PSMA1: variants seen among roughly 807,000 people sequenced by gnomAD.
The protein encoded by PSMA1 is proteasome 20S subunit alpha 1.
Under a neutral mutation model 38.4 loss-of-function variants are expected in PSMA1, and 3 were observed. That is an observed-to-expected ratio of 0.08 (90% CI 0.04 to 0.20). The LOEUF is 0.20. PSMA1 is among the 10% of genes least tolerant of loss of function. The pLI is 1.00. For missense variants in PSMA1, 227 were observed against 325.3 expected (o/e 0.70, Z 2.32); for synonymous variants, 101 against 107.1 (o/e 0.94, Z 0.35).
At chr11:14,530,333 C>T (rs1412569698) in intron 2 of PSMA1, among the ~76,000 whole-genome samples, 1 of 152,192 alleles carries the variant, frequency 6.6e-6, no homozygotes, top group Non-Finnish European at 1.5e-5. Context: ...CCTTTCCACT[C>T]CTGCCACCTT....
intron 9 of PSMA1, among the ~76,000 whole-genome samples, chr11:14,505,561 T>C (rs1394933219): frequency 1.3e-5 from 2 of 151,042 alleles, no homozygotes; most frequent in Non-Finnish European, 2.9e-5. Flanking sequence ...TTTGTTTGCT[T>C]TTACTCTAAC....
At chr11:14,515,640 G>A (rs1324102517) in intron 4 of PSMA1, among the ~76,000 whole-genome samples, 3 of 150,710 alleles carry the variant, frequency 2.0e-5, no homozygotes, top group Non-Finnish European at 4.4e-5. Flanking sequence ...TGCAACCTCT[G>A]CCTCCTGGGT....
chr11:14,596,973 G>A (rs987730165), intron 2 of PSMA1, among the ~76,000 whole-genome samples: 79 of 152,144 alleles, frequency 5.2e-4, no homozygotes, highest in Non-Finnish European at 7.6e-4. Flanking sequence ...GAATTTTGTC[G>A]AAGGCCTTTT....
intron 2 of PSMA1, among the ~76,000 whole-genome samples, chr11:14,602,778 A>G (rs1441984469): frequency 6.6e-6 from 1 of 152,204 alleles, no homozygotes; most frequent in Non-Finnish European, 1.5e-5. Flanking sequence ...CTGAATTTAC[A>G]CTGAAAGCAG....
chr11:14,522,086 A>C (rs760732156), upstream of PSMA1, among the ~76,000 whole-genome samples: 2 of 152,186 alleles, frequency 1.3e-5, no homozygotes, highest in Non-Finnish European at 2.9e-5. Context: ...TTCCATATAT[A>C]TCTCTCTAGT....
chr11:14,592,628 G>A (rs538307706), intron 2 of PSMA1, among the ~76,000 whole-genome samples: 4 of 152,076 alleles, frequency 2.6e-5, no homozygotes, highest in Non-Finnish European at 5.9e-5. Flanking sequence ...CTTGTGATCC[G>A]CCCGCCTGGG....
chr11:14,541,194 A>T (rs1168471815), intron 2 of PSMA1, among the ~76,000 whole-genome samples: 2 of 152,218 alleles, frequency 1.3e-5, no homozygotes, highest in African/African-American at 4.8e-5. Flanking sequence ...AGAATATATA[A>T]AAGGCATCCT....
chr11:14,608,256 C>A (rs1852666310), intron 2 of PSMA1, among the ~76,000 whole-genome samples: 1 of 152,000 alleles, frequency 6.6e-6, no homozygotes. Flanking sequence ...GAGACTGAGG[C>A]AGGAGGATCT....
chr11:14,584,734 G>A (rs886617096), intron 2 of PSMA1, among the ~76,000 whole-genome samples: 6 of 152,036 alleles, frequency 3.9e-5, no homozygotes, highest in African/African-American at 7.2e-5. Flanking sequence ...TTTTAGTCCC[G>A]CAGTTTTCCT....
intron 2 of PSMA1, among the ~76,000 whole-genome samples, chr11:14,557,696 T>C (rs1851956694): frequency 6.6e-6 from 1 of 152,210 alleles, no homozygotes; most frequent in African/African-American, 2.4e-5. Flanking sequence ...TTGTTTTCAG[T>C]TGTGTCTAGC....
rs546461688 is a variant in PSMA1, at chr11:14,514,600, T to G, written c.255-109A>C. ...CTTCCAAGCGTTTACATGGATAACA[T>G]CCATATAAGAAAAACAGAAGGTAAG... On this transcript the variant is annotated intron_variant, in intron 4 of 9. Transcript: ENST00000396394. 10 of 840,818 alleles carry G rather than the reference T, an allele frequency of 1.2e-5. No individual in the cohort carries two copies. In the African/African-American group the frequency reaches 1.4e-4, roughly 12 times the overall value. The allele number at this position is 840,818 out of a possible 1,614,324, so 52.1% of individuals were successfully genotyped here.
intron 1 of PSMA1, among the ~76,000 whole-genome samples, chr11:14,616,692 A>G (rs956141471): frequency 2.0e-5 from 3 of 152,178 alleles, no homozygotes; most frequent in African/African-American, 7.2e-5. Flanking sequence ...TGTGCTTTAG[A>G]TATGTTAAAT....
At chr11:14,582,184 A>G (rs1852289081) in intron 2 of PSMA1, among the ~76,000 whole-genome samples, 2 of 152,196 alleles carry the variant, frequency 1.3e-5, no homozygotes. Flanking sequence ...AAATTTAAAA[A>G]CAGGTATAAA....
At chr11:14,518,255 C>A (rs1851468039) in intron 2 of PSMA1, among the ~76,000 whole-genome samples, 1 of 152,040 alleles carries the variant, frequency 6.6e-6, no homozygotes, top group Admixed American at 6.6e-5. Flanking sequence ...GCAAGCACCA[C>A]CACGCCCAGC....
intron 1 of PSMA1, among the ~76,000 whole-genome samples, chr11:14,636,100 T>C (rs758668846): frequency 6.6e-6 from 1 of 152,214 alleles, no homozygotes; most frequent in Non-Finnish European, 1.5e-5. Context: ...AAAGAAATGA[T>C]GAAACTAAAG....
At position 14,520,306 on chromosome 11, in the gene PSMA1, G is replaced by T. The variant is rs765522121; in HGVS notation, c.-7C>A. On this transcript the variant is annotated 5_prime_UTR_variant, in exon 1 of 10. Transcript: ENST00000396394. ...TCGGGATTCAACGTACCATGGTGGCGGCGCGGGCCTGGTTGCGGCCTCCAG... is the reference window on the plus strand; with the variant it reads ...TCGGGATTCAACGTACCATGGTGGCTGCGCGGGCCTGGTTGCGGCCTCCAG... 3 of 1,614,080 alleles carry T rather than the reference G, an allele frequency of 1.9e-6. No individual in the cohort carries two copies. Among genetic ancestry groups the T allele is most frequent in the African/African-American group, 2.7e-5 (2 of 74,942 alleles).
Position 14,610,836 on chromosome 11 carries a change from CT to C in PSMA1, c.21+129del, listed in dbSNP as rs1852700123. 7 of 893,898 alleles carry C rather than the reference CT, an allele frequency of 7.8e-6. No individual in the cohort carries two copies. The South Asian group carries it at 1.1e-4, about 14-fold the overall frequency. 55.4% of individuals were successfully genotyped at this position (893,898 alleles called of 1,614,324 possible). On this transcript the variant is annotated intron_variant, in intron 2 of 10. Transcript: ENST00000418988. ...TACACAGACATTTTTCTTTTTTTCT[CT>C]TTTTGTTTTCTAGCCTAGAGATGCG...
chr11:14,638,174 C>T (rs1590019392), intron 1 of PSMA1, among the ~76,000 whole-genome samples: 1 of 152,042 alleles, frequency 6.6e-6, no homozygotes, highest in Non-Finnish European at 1.5e-5. Flanking sequence ...GTAACTAGAT[C>T]AGAATGACGC....
At chr11:14,531,499 G>C (rs1851647250) in intron 2 of PSMA1, among the ~76,000 whole-genome samples, 1 of 152,168 alleles carries the variant, frequency 6.6e-6, no homozygotes, top group Non-Finnish European at 1.5e-5. Flanking sequence ...GTCTCATTCT[G>C]TCTCCCAGGC....
Sources: gnomAD v4.1 joint callset for allele counts (sites outside exome capture counted in the v4.1 genomes callset) on GRCh38, gnomAD v4.1.1 for gene constraint, MANE v1.5 for transcripts, NCBI Gene and HGNC (gene_info 2026-07-23, HGNC 2026-07-21) for gene names.